The following VCL variants were observed in gnomAD, a reference collection of about 807,000 sequenced individuals.
VCL encodes epididymis luminal protein 114.
Under a neutral mutation model 125.7 loss-of-function variants are expected in VCL, and 47 were observed. That is an observed-to-expected ratio of 0.37 (90% CI 0.30 to 0.48). The LOEUF is 0.48. Among genes scored for constraint, VCL ranks in the 20% least tolerant of loss-of-function variants. The pLI is 0.99. For synonymous variants in VCL, 458 were observed against 514.6 expected (o/e 0.89, Z 1.49); for missense variants, 1,069 against 1,455.5 (o/e 0.73, Z 4.32).
At chr10:74,059,375 AAAG>A (rs1841438839) in intron 2 of VCL, among the ~76,000 whole-genome samples, 2 of 151,638 alleles carry the variant, frequency 1.3e-5, no homozygotes, top group Non-Finnish European at 2.9e-5. Context: ...AAAAAAAAGA[AAAG>A]AAAAAATCTC....
intron 14 of VCL, among the ~76,000 whole-genome samples, chr10:74,102,621 G>C (rs1443563834): frequency 6.6e-6 from 1 of 152,204 alleles, no homozygotes; most frequent in Non-Finnish European, 1.5e-5. Flanking sequence ...ACTTTTGCCT[G>C]TGTGGCGTGT....
At chr10:74,054,793 C>T (rs1019024475) in intron 2 of VCL, among the ~76,000 whole-genome samples, 1 of 151,926 alleles carries the variant, frequency 6.6e-6, no homozygotes, top group Admixed American at 6.6e-5. Flanking sequence ...TGATGCTGCA[C>T]ACCTGTAGGC....
chr10:74,089,196 A>G lies in VCL; in HGVS notation c.1023A>G (p.Arg341=). ...GACAGCATGTGTCTGTTTTGAGCAG[A>G]GGACAAGGATCCTCACCGGTGGCCA... ...MTDQVADLRA[R]GQGSSPVAMQ... Residue 341 remains arginine, a splice_region_variant and synonymous_variant, in exon 9 of 22, where the codon AGA becomes AGG. Coordinates refer to ENST00000211998, the MANE Select transcript of VCL (RefSeq NM_014000.3). 6.2e-7 allele frequency: 1 copy of G among 1,614,094 alleles called. No homozygotes were observed. Among genetic ancestry groups the G allele is most frequent in the Non-Finnish European group, 8.5e-7 (1 of 1,179,998 alleles).
chr10:74,036,536 C>CT (rs1019229868), intron 1 of VCL, among the ~76,000 whole-genome samples: 6 of 151,838 alleles, frequency 4.0e-5, no homozygotes, highest in Non-Finnish European at 7.4e-5. Flanking sequence ...ATCCATAGGA[C>CT]TTTTTTCAGA....
At chr10:74,058,928 TGAGA>T (rs374097575) in intron 2 of VCL, among the ~76,000 whole-genome samples, 24 of 151,540 alleles carry the variant, frequency 1.6e-4, no homozygotes, top group African/African-American at 4.1e-4. Flanking sequence ...TGCGTATGCG[TGAGA>T]GAGAGAGAGA....
chr10:74,000,664 C>T (rs796735565), intron 1 of VCL, among the ~76,000 whole-genome samples: 67 of 152,206 alleles, frequency 4.4e-4, no homozygotes, highest in African/African-American at 1.4e-3. Flanking sequence ...TTGCCCGCCT[C>T]GGCCTCCCAA....
chr10:74,047,357 A>G (rs1369744433), intron 2 of VCL, among the ~76,000 whole-genome samples: 1 of 152,198 alleles, frequency 6.6e-6, no homozygotes, highest in Non-Finnish European at 1.5e-5. Context: ...TTGTTTTTCT[A>G]TAGAATGCAA....
At chr10:74,027,441 A>G (rs189099364) in intron 1 of VCL, among the ~76,000 whole-genome samples, 1 of 151,622 alleles carries the variant, frequency 6.6e-6, no homozygotes, top group African/African-American at 2.4e-5. Flanking sequence ...TAGGTGAATC[A>G]TTTGAGGTCA....
intron 1 of VCL, among the ~76,000 whole-genome samples, chr10:74,016,098 T>G (rs969446698): frequency 2.6e-5 from 4 of 152,152 alleles, no homozygotes; most frequent in Non-Finnish European, 4.4e-5. Context: ...CCCAAAGTCT[T>G]GGGATTACAG....
At chr10:74,035,244 T>A (rs1418372748) in intron 1 of VCL, among the ~76,000 whole-genome samples, 3 of 151,648 alleles carry the variant, frequency 2.0e-5, no homozygotes, top group African/African-American at 7.3e-5. Context: ...CCAGCCAACC[T>A]TTTTTTTCTT....
chr10:74,021,139 G>C (rs1242257306), intron 1 of VCL, among the ~76,000 whole-genome samples: 1 of 151,894 alleles, frequency 6.6e-6, no homozygotes, highest in Non-Finnish European at 1.5e-5. Context: ...ATTAGAATGG[G>C]CCCAGTGCAG....
intron 1 of VCL, among the ~76,000 whole-genome samples, chr10:73,999,401 T>A (rs1470652295): frequency 6.6e-6 from 1 of 152,006 alleles, no homozygotes; most frequent in Non-Finnish European, 1.5e-5. Flanking sequence ...ACGTCTGAAA[T>A]GGGAAAAAAG....
intron 2 of VCL, among the ~76,000 whole-genome samples, chr10:74,053,649 C>T (rs1352765554): frequency 1.3e-5 from 2 of 151,784 alleles, no homozygotes; most frequent in Admixed American, 6.6e-5. Flanking sequence ...CTTGCTTTGT[C>T]ACCTGGGCTG....
chr10:74,074,925 A>G, intron 6 of VCL, 22 bp downstream of exon 6: 1 of 1,614,176 alleles, frequency 6.2e-7, no homozygotes, highest in Non-Finnish European at 8.5e-7. Flanking sequence ...TAGTGGAGAA[A>G]TAAGCAAAAT....
intron 5 of VCL, 121 bp from the exon 6 acceptor site, chr10:74,074,622 T>C: frequency 2.7e-6 from 3 of 1,096,046 alleles, no homozygotes; most frequent in Non-Finnish European, 2.6e-6. Context: ...GTGTTTGTTT[T>C]GTATACTCAT....
At chr10:74,111,466 C>A (rs1312100529) in intron 18 of VCL, among the ~76,000 whole-genome samples, 2 of 152,194 alleles carry the variant, frequency 1.3e-5, no homozygotes. Flanking sequence ...TCACTTTGTT[C>A]TGTACAAAGT....
intron 8 of VCL, among the ~76,000 whole-genome samples, chr10:74,084,676 G>C (rs1426198288): frequency 1.3e-5 from 2 of 151,284 alleles, no homozygotes; most frequent in African/African-American, 4.9e-5. Context: ...GCAATGGCGC[G>C]ATCTCGGCTC....
intron 10 of VCL, among the ~76,000 whole-genome samples, chr10:74,092,230 A>G (rs1340187111): frequency 1.3e-5 from 2 of 152,118 alleles, no homozygotes; most frequent in Non-Finnish European, 2.9e-5. Context: ...TTTACAGATG[A>G]GACAGATAAA....
At position 74,047,174 on chromosome 10, in the gene VCL, G is replaced by A. The variant is rs377115663; in HGVS notation, c.239+4021G>A. On this transcript the variant is annotated intron_variant, in intron 2 of 21. Transcript: ENST00000211998. ...TCGCTGGGCATGGTGGCTCACGCCTGTAATCCCAGCACTTTGGGAGGCCGA... is the reference window on the plus strand; with the variant it reads ...TCGCTGGGCATGGTGGCTCACGCCTATAATCCCAGCACTTTGGGAGGCCGA... 1.3e-5 allele frequency among the ~76,000 whole-genome samples: 2 copies of A among 152,284 alleles called. 1 individual carries two copies. The highest frequency in any genetic ancestry group is 4.1e-4 in the South Asian group (2 of 4,828).
Sources: allele counts gnomAD v4.1 joint callset (sites outside exome capture counted in the v4.1 genomes callset), GRCh38; gene constraint gnomAD v4.1.1; transcripts MANE v1.5; gene names NCBI Gene and HGNC (gene_info 2026-07-23, HGNC 2026-07-21).